The following IQSEC1 variants were observed in gnomAD, a reference collection of about 807,000 sequenced individuals.
IQSEC1 encodes the protein IQ motif and Sec7 domain ArfGEF 1.
IQSEC1 carries 31 observed loss-of-function variants against 91.0 expected under a neutral mutation model. That is an observed-to-expected ratio of 0.34 (90% CI 0.26 to 0.46). The LOEUF is 0.46. Ranked by LOEUF, IQSEC1 falls within the 20% of genes least tolerant of loss-of-function variation. IQSEC1 has a pLI of 1.00. For missense variants in IQSEC1, 1,388 were observed against 1,575.6 expected (o/e 0.88, Z 2.02); for synonymous variants, 699 against 662.6 (o/e 1.05, Z -0.84).
intron 1 of IQSEC1, among the ~76,000 whole-genome samples, chr3:13,167,447 C>T (rs1258073619): frequency 6.6e-6 from 1 of 152,174 alleles, no homozygotes; most frequent in Non-Finnish European, 1.5e-5. Flanking sequence ...CAATCTTATA[C>T]CAGGGCCGAA....
At chr3:13,139,820 G>GGGCC (rs1706770351) in intron 2 of IQSEC1, among the ~76,000 whole-genome samples, 1 of 152,130 alleles carries the variant, frequency 6.6e-6, no homozygotes, top group Non-Finnish European at 1.5e-5. Context: ...AATGCACCTG[G>GGGCC]GGCCATGTGG....
chr3:13,130,084 G>A (rs1038065046), intron 2 of IQSEC1, among the ~76,000 whole-genome samples: 8 of 150,862 alleles, frequency 5.3e-5, no homozygotes, highest in Non-Finnish European at 1.2e-4. Context: ...AGTGGCTCAC[G>A]CCTATAATCA....
intron 3 of IQSEC1, among the ~76,000 whole-genome samples, chr3:12,931,939 G>A (rs1010971886): frequency 3.9e-5 from 6 of 152,218 alleles, no homozygotes; most frequent in South Asian, 2.1e-4. Flanking sequence ...CAAGCCCTGC[G>A]TACATGTTTC....
At chr3:13,275,147 G>A (rs1383454013) in intron 1 of IQSEC1, among the ~76,000 whole-genome samples, 1 of 152,222 alleles carries the variant, frequency 6.6e-6, no homozygotes, top group Non-Finnish European at 1.5e-5. Flanking sequence ...TTGTCACAGG[G>A]TTAGAGCATC....
intron 1 of IQSEC1, among the ~76,000 whole-genome samples, chr3:13,206,720 G>A (rs535826845): frequency 1.3e-5 from 2 of 152,322 alleles, no homozygotes; most frequent in African/African-American, 4.8e-5. Context: ...GGGAAAGGAG[G>A]CAGGTGGGAT....
chr3:13,067,557 C>T (rs994318639), intron 1 of IQSEC1, among the ~76,000 whole-genome samples: 5 of 152,184 alleles, frequency 3.3e-5, no homozygotes, highest in Admixed American at 1.3e-4. Context: ...CAGAGCCTTG[C>T]GGCCAAGAGA....
At chr3:12,965,557 C>T (rs557139659) in intron 1 of IQSEC1, among the ~76,000 whole-genome samples, 19 of 152,328 alleles carry the variant, frequency 1.2e-4, no homozygotes, top group African/African-American at 3.8e-4. Flanking sequence ...TACACCTGAG[C>T]GAGGCTTCTC....
intron 3 of IQSEC1, among the ~76,000 whole-genome samples, chr3:12,933,907 G>C (rs1243466590): frequency 6.6e-6 from 1 of 152,244 alleles, no homozygotes; most frequent in Non-Finnish European, 1.5e-5. Context: ...ACAGACCAAA[G>C]CTGGCTGGTT....
chr3:13,029,066 T>C (rs961489624), intron 1 of IQSEC1, among the ~76,000 whole-genome samples: 1 of 152,240 alleles, frequency 6.6e-6, no homozygotes, highest in Non-Finnish European at 1.5e-5. Context: ...GCTGTGTGAC[T>C]GTACTGTGTA....
At chr3:13,016,563 C>T (rs1703142453) in intron 1 of IQSEC1, among the ~76,000 whole-genome samples, 1 of 152,226 alleles carries the variant, frequency 6.6e-6, no homozygotes, top group Non-Finnish European at 1.5e-5. Flanking sequence ...TCCTCCCGCC[C>T]TCTCGACTCC....
chr3:13,227,050 C>A (rs1355362320), intron 1 of IQSEC1, among the ~76,000 whole-genome samples: 1 of 151,996 alleles, frequency 6.6e-6, no homozygotes, highest in Non-Finnish European at 1.5e-5. Flanking sequence ...CCACTGTAGT[C>A]CAGCCTGGGG....
In IQSEC1 at chr3:12,924,964, T is replaced by G. The variant is rs1170608633; in HGVS notation, c.1569-222A>C. 1.3e-5 allele frequency among the ~76,000 whole-genome samples: 2 copies of G among 152,208 alleles called. No homozygotes were observed. Among genetic ancestry groups the G allele is most frequent in the Admixed American group, 1.3e-4 (2 of 15,292 alleles). On this transcript the variant is annotated intron_variant, in intron 3 of 13. Coordinates refer to ENST00000613206, the MANE Select transcript of IQSEC1 (RefSeq NM_001134382.3). This position sits in a 1 kb window ranked among gnomAD's most constrained non-coding sequence, Gnocchi z 6.3. ...GGAAGACCCTGGGCTCCAGGCATCC[T>G]GCCCTGTCCCAAAACCCAAATATGG...
chr3:13,262,181 C>T (rs543203490), intron 1 of IQSEC1, among the ~76,000 whole-genome samples: 2 of 152,196 alleles, frequency 1.3e-5, no homozygotes, highest in Non-Finnish European at 2.9e-5. Context: ...CCTGAGAGGA[C>T]AATATGAGCC....
chr3:13,106,599 C>A (rs1469080554), intron 2 of IQSEC1, among the ~76,000 whole-genome samples: 1 of 152,172 alleles, frequency 6.6e-6, no homozygotes, highest in Non-Finnish European at 1.5e-5. Context: ...AGCTCCCTGC[C>A]CTTAACCCTT....
intron 1 of IQSEC1, among the ~76,000 whole-genome samples, chr3:13,257,872 G>T (rs986451422): frequency 7.2e-5 from 11 of 152,306 alleles, no homozygotes; most frequent in Middle Eastern, 3.4e-3. Flanking sequence ...CCTACACATG[G>T]GTGTTTATAG....
rs546504297 is a variant in IQSEC1 at position 13,171,093 on chromosome 3, C to T, written c.273-6960G>A. Among the ~76,000 whole-genome samples, 10 of 149,682 alleles carry T rather than the reference C, an allele frequency of 6.7e-5. No homozygotes were observed. The South Asian group carries it at 2.1e-3, about 31-fold the overall frequency. On this transcript the variant is annotated intron_variant, in intron 1 of 15. Transcript: ENST00000648114. ...CCAGCCTGGCAACACAGCAAGACTCCATCTCAAAAAAAACAAAAAAAACAA... is the reference window on the plus strand; with the variant it reads ...CCAGCCTGGCAACACAGCAAGACTCTATCTCAAAAAAAACAAAAAAAACAA...
intron 1 of IQSEC1, among the ~76,000 whole-genome samples, chr3:13,018,694 C>T (rs1175214133): frequency 6.6e-6 from 1 of 152,136 alleles, no homozygotes; most frequent in Non-Finnish European, 1.5e-5. Flanking sequence ...ATCCACCCTC[C>T]AGAACTACTG....
At chr3:13,104,365 G>A (rs1445855490) in intron 2 of IQSEC1, among the ~76,000 whole-genome samples, 4 of 152,160 alleles carry the variant, frequency 2.6e-5, no homozygotes, top group Non-Finnish European at 2.9e-5. Context: ...TGAGTACACT[G>A]CTGGGGCCAA....
rs572494123 is a variant in IQSEC1 at position 13,271,753 on chromosome 3, C to T, written c.272+10958G>A. Among the ~76,000 whole-genome samples the T allele has an allele frequency of 7.2e-5, 11 of 152,286 alleles. No homozygotes were observed. The South Asian group carries it at 2.1e-3, about 29-fold the overall frequency. ...GAGGTTACAGTGAGCTCTGATTGCA[C>T]CATTGCACTCCAACCTGGATGACAG... On this transcript the variant is annotated intron_variant, in intron 1 of 15. Coordinates refer to the IQSEC1 transcript ENST00000648114.
Sources: allele counts gnomAD v4.1 joint callset (sites outside exome capture counted in the v4.1 genomes callset), GRCh38; gene constraint gnomAD v4.1.1; non-coding constraint Gnocchi (gnomAD v3.1); transcripts MANE v1.5; gene names NCBI Gene and HGNC (gene_info 2026-07-23, HGNC 2026-07-21).